GRM7: variants seen among roughly 807,000 people sequenced by gnomAD.
The protein encoded by GRM7 is glutamate metabotropic receptor 7.
Under a neutral mutation model 84.5 loss-of-function variants are expected in GRM7, and 35 were observed. The observed-to-expected ratio is 0.41, with a 90% CI of 0.32 to 0.55. The LOEUF is 0.55. Ranked by LOEUF, GRM7 falls within the 20% of genes least tolerant of loss-of-function variation. The pLI is 0.19. For missense variants in GRM7, 1,003 were observed against 1,194.6 expected (o/e 0.84, Z 2.36); for synonymous variants, 487 against 455.1 (o/e 1.07, Z -0.89).
intron 2 of GRM7, among the ~76,000 whole-genome samples, chr3:7,171,180 C>A (rs1480406778): frequency 6.6e-6 from 1 of 152,042 alleles, no homozygotes; most frequent in Non-Finnish European, 1.5e-5. Context: ...TTCTGAGGAC[C>A]AAGACAGGAG....
chr3:7,722,657 G>A (rs146318394), intron 9 of GRM7, among the ~76,000 whole-genome samples: 1 of 152,006 alleles, frequency 6.6e-6, no homozygotes, highest in Non-Finnish European at 1.5e-5. Flanking sequence ...TGGCCAGGCT[G>A]GTCTCAAACT....
At chr3:7,379,309 T>C (rs1306840657) in intron 4 of GRM7, among the ~76,000 whole-genome samples, 1 of 152,050 alleles carries the variant, frequency 6.6e-6, no homozygotes, top group South Asian at 2.1e-4. Context: ...CCCATGCTGG[T>C]CTCAAACTCC....
At chr3:7,729,156 T>C (rs1442518344) in intron 9 of GRM7, among the ~76,000 whole-genome samples, 3 of 152,090 alleles carry the variant, frequency 2.0e-5, no homozygotes, top group Non-Finnish European at 2.9e-5. Context: ...CTGAAATTGA[T>C]TGGTAACCCC....
At chr3:7,097,798 C>T (rs1383524105) in intron 1 of GRM7, among the ~76,000 whole-genome samples, 1 of 152,038 alleles carries the variant, frequency 6.6e-6, no homozygotes, top group Non-Finnish European at 1.5e-5. Flanking sequence ...ACTCCTTTGC[C>T]TCATTTGACA....
At chr3:7,561,706 G>A in intron 7 of GRM7, 2 of 349,682 alleles carry the variant, frequency 5.7e-6, no homozygotes, top group South Asian at 2.2e-5. Flanking sequence ...ACTTCTCAAT[G>A]CAAAAAAATA....
intron 8 of GRM7, among the ~76,000 whole-genome samples, chr3:7,673,683 G>T (rs1305179983): frequency 1.3e-5 from 2 of 152,170 alleles, no homozygotes; most frequent in Non-Finnish European, 2.9e-5. Context: ...ATTGCTGCAG[G>T]AGGTTGATTG....
intron 2 of GRM7, among the ~76,000 whole-genome samples, chr3:7,198,012 G>T (rs1215797820): frequency 1.3e-5 from 2 of 152,116 alleles, no homozygotes; most frequent in Non-Finnish European, 2.9e-5. Flanking sequence ...GTATCAGATT[G>T]TGGAGGCTGT....
At chr3:7,704,491 C>G (rs1357718150) in intron 9 of GRM7, among the ~76,000 whole-genome samples, 1 of 151,722 alleles carries the variant, frequency 6.6e-6, no homozygotes, top group African/African-American at 2.4e-5. Flanking sequence ...TTGAACAATC[C>G]AATAGCTTCT....
chr3:7,653,846 G>C (rs1231403352), intron 8 of GRM7, among the ~76,000 whole-genome samples: 2 of 152,158 alleles, frequency 1.3e-5, no homozygotes, highest in Non-Finnish European at 2.9e-5. Context: ...GGTAGGTAAA[G>C]TTACACCCAT....
At chr3:6,875,638 A>G (rs919760725) in intron 1 of GRM7, among the ~76,000 whole-genome samples, 2 of 152,178 alleles carry the variant, frequency 1.3e-5, no homozygotes, top group Non-Finnish European at 2.9e-5. Context: ...GAACAGACCA[A>G]TCACCTGAGT....
intron 4 of GRM7, among the ~76,000 whole-genome samples, chr3:7,399,329 A>G (rs1361224078): frequency 6.6e-6 from 1 of 152,132 alleles, no homozygotes; most frequent in Non-Finnish European, 1.5e-5. Context: ...TCTGTTCTGT[A>G]AAACTTTCAA....
At chr3:7,727,582 T>C (rs1387810463) in intron 9 of GRM7, among the ~76,000 whole-genome samples, 4 of 152,160 alleles carry the variant, frequency 2.6e-5, no homozygotes, top group African/African-American at 9.7e-5. Flanking sequence ...TATGTCCCAG[T>C]CTGAGTGTGA....
intron 1 of GRM7, among the ~76,000 whole-genome samples, chr3:6,937,727 A>C: frequency 6.6e-6 from 1 of 152,212 alleles, no homozygotes; most frequent in African/African-American, 2.4e-5. Context: ...AGCCACTGGA[A>C]GATTTGCAAG....
intron 7 of GRM7, among the ~76,000 whole-genome samples, chr3:7,531,622 A>G (rs1465677205): frequency 1.3e-5 from 2 of 152,100 alleles, no homozygotes; most frequent in Non-Finnish European, 2.9e-5. Context: ...TTAGGTGTAT[A>G]GGAATGCTTG....
chr3:7,108,858 A>G (rs1260728740), intron 1 of GRM7, among the ~76,000 whole-genome samples: 1 of 152,108 alleles, frequency 6.6e-6, no homozygotes, highest in Non-Finnish European at 1.5e-5. Context: ...ATGCAGATAA[A>G]GTTTCCAATT....
chr3:7,007,526 T>C (rs781350559), intron 1 of GRM7, among the ~76,000 whole-genome samples: 3 of 152,112 alleles, frequency 2.0e-5, no homozygotes, highest in Non-Finnish European at 4.4e-5. Flanking sequence ...TAAGAACATA[T>C]TATCTTACAT....
intron 2 of GRM7, among the ~76,000 whole-genome samples, chr3:7,174,489 G>A (rs1305101138): frequency 1.3e-5 from 2 of 152,098 alleles, no homozygotes; most frequent in South Asian, 4.1e-4. Flanking sequence ...TTTTATTTAA[G>A]CACTGTATTA....
intron 7 of GRM7, among the ~76,000 whole-genome samples, chr3:7,502,469 CTT>C (rs981444961): frequency 6.6e-6 from 1 of 152,092 alleles, no homozygotes; most frequent in Non-Finnish European, 1.5e-5. Flanking sequence ...GTATCAGAAA[CTT>C]TTGATTTCTT....
chr3:7,438,639 C>T (rs1697156142), intron 5 of GRM7, among the ~76,000 whole-genome samples: 1 of 152,070 alleles, frequency 6.6e-6, no homozygotes, highest in East Asian at 1.9e-4. Context: ...TAAGGAGAGG[C>T]TACCTAACAC....
Sources: allele counts gnomAD v4.1 joint callset (sites outside exome capture counted in the v4.1 genomes callset), GRCh38; gene constraint gnomAD v4.1.1; transcripts MANE v1.5; gene names NCBI Gene and HGNC (gene_info 2026-07-23, HGNC 2026-07-21).